ARHGEF12: variants seen among roughly 807,000 people sequenced by gnomAD.
ARHGEF12 encodes Rho guanine nucleotide exchange factor 12.
Under a neutral mutation model 211.2 loss-of-function variants are expected in ARHGEF12, and 66 were observed. The observed-to-expected ratio is 0.31, with a 90% CI of 0.26 to 0.38. The LOEUF (loss-of-function observed/expected upper bound fraction) is 0.38. Ranked by LOEUF, ARHGEF12 falls within the 10% of genes least tolerant of loss-of-function variation. The pLI is 1.00. For synonymous variants in ARHGEF12, 592 were observed against 638.4 expected (o/e 0.93, Z 1.09); for missense variants, 1,429 against 1,869.5 (o/e 0.76, Z 4.34).
At chr11:120,357,839 G>C (rs1395529109) in intron 1 of ARHGEF12, among the ~76,000 whole-genome samples, 1 of 152,156 alleles carries the variant, frequency 6.6e-6, no homozygotes, top group Non-Finnish European at 1.5e-5. Context: ...CAAAGTGCTG[G>C]GATTACAGGC....
intron 1 of ARHGEF12, among the ~76,000 whole-genome samples, chr11:120,366,426 GGGGTTACAGGC>G (rs1216104500): frequency 6.6e-6 from 1 of 151,982 alleles, no homozygotes; most frequent in Non-Finnish European, 1.5e-5. Context: ...CCAAAGTGCT[GGGGTTACAGGC>G]GTGAGCCACC....
chr11:120,366,653 T>C (rs1031358497), intron 1 of ARHGEF12, among the ~76,000 whole-genome samples: 3 of 152,166 alleles, frequency 2.0e-5, no homozygotes, highest in African/African-American at 7.2e-5. Context: ...TGACTCAGAT[T>C]TCTTAATTTG....
chr11:120,431,904 A>G lies in ARHGEF12; in HGVS notation c.917A>G (p.Asn306Ser), dbSNP rs1330014338. The G allele has an allele frequency of 2.5e-6, 4 of 1,592,084 alleles. No homozygotes were observed. Among genetic ancestry groups the G allele is most frequent in the Non-Finnish European group, 2.6e-6 (3 of 1,171,964 alleles). ...SGDASRPSSD[N>S]ADSPKSGPKE... ...GATGCTTCTCGGCCCAGTAGTGACA[A>G]TGCAGATGTAAGCTTTCAGTTTTCT... The change falls in exon 11 of 41, where the codon AAT (asparagine) becomes AGT (serine). Residue 306 changes from asparagine to serine, a missense_variant. This residue lies in a region of ARHGEF12 where 254 missense variants were observed against 286.4 expected (regional missense o/e 0.89). Transcript: ENST00000397843.
intron 1 of ARHGEF12, chr11:120,337,742 C>T: frequency 1.0e-6 from 1 of 985,422 alleles, no homozygotes; most frequent in Non-Finnish European, 1.2e-6. Context: ...GATCTGGGAA[C>T]TTGATCTCTT....
At chr11:120,453,103 A>G (rs537417864) in intron 22 of ARHGEF12, among the ~76,000 whole-genome samples, 1 of 152,126 alleles carries the variant, frequency 6.6e-6, no homozygotes, top group Non-Finnish European at 1.5e-5. Flanking sequence ...GACATACACC[A>G]TATAAGACAG....
Position 120,459,237 on chromosome 11 carries a change from A to G in ARHGEF12, c.2444A>G (p.Gln815Arg). 1 of 1,613,790 alleles carries G rather than the reference A, an allele frequency of 6.2e-7. No homozygotes were observed. The highest frequency in any genetic ancestry group is 8.5e-7 in the Non-Finnish European group (1 of 1,179,842). The change falls in exon 26 of 41, where the codon CAG (glutamine) becomes CGG (arginine). Residue 815 changes from glutamine to arginine, a missense_variant. Gln to Arg is a conservative substitution (Grantham distance 43, BLOSUM62 1). Coordinates refer to ENST00000397843, the MANE Select transcript of ARHGEF12 (RefSeq NM_015313.3). ...TLKVLDQVFYQRVSREGILSP... is the reference protein window; with the variant it reads ...TLKVLDQVFYRRVSREGILSP... Reference sequence around the variant, plus strand: ...AAGGTTCTTGATCAAGTGTTCTATCAGCGAGTATCCAGAGAAGGAATTCTG... The same window carrying G: ...AAGGTTCTTGATCAAGTGTTCTATCGGCGAGTATCCAGAGAAGGAATTCTG...
At position 120,486,279 on chromosome 11, in the gene ARHGEF12, G is replaced by A; in HGVS notation, c.*1202G>A. On this transcript the variant is annotated 3_prime_UTR_variant, in exon 41 of 41. Transcript: ENST00000397843. ...TGAGTCAAAAGGATAGCCAAGGGTGGAGTGGAAAAAGATATGGTGAAGGCA... is the reference window on the plus strand; with the variant it reads ...TGAGTCAAAAGGATAGCCAAGGGTGAAGTGGAAAAAGATATGGTGAAGGCA... 1 of 233,370 alleles carries A rather than the reference G, an allele frequency of 4.3e-6. No homozygotes were observed. The highest frequency in any genetic ancestry group is 8.5e-6 in the Non-Finnish European group (1 of 117,836). 14.5% of individuals were successfully genotyped at this position (233,370 alleles called of 1,614,324 possible).
intron 1 of ARHGEF12, chr11:120,385,204 A>G (rs1203808394): frequency 1.7e-6 from 1 of 599,042 alleles, no homozygotes; most frequent in Admixed American, 6.3e-5. Flanking sequence ...ATGTATATGG[A>G]TGCTGTTCTC....
intron 1 of ARHGEF12, among the ~76,000 whole-genome samples, chr11:120,349,331 G>A (rs1463647535): frequency 6.6e-6 from 1 of 152,072 alleles, no homozygotes; most frequent in Non-Finnish European, 1.5e-5. Flanking sequence ...ATATGTAATA[G>A]TAATTATATT....
intron 1 of ARHGEF12, among the ~76,000 whole-genome samples, chr11:120,341,347 C>T (rs1182376959): frequency 2.0e-5 from 3 of 152,164 alleles, no homozygotes; most frequent in South Asian, 2.1e-4. Context: ...CTTGAGCCAC[C>T]GAGCCCAGTG....
At chr11:120,431,593 A>T (rs1945535740) in intron 10 of ARHGEF12, among the ~76,000 whole-genome samples, 178 bp from the exon 11 acceptor site, 1 of 152,344 alleles carries the variant, frequency 6.6e-6, no homozygotes, top group East Asian at 1.9e-4. Context: ...GAATACCGGA[A>T]TTAGTAGTTA....
chr11:120,462,551 A>G (rs1342903583), intron 27 of ARHGEF12: 1 of 152,204 alleles, frequency 6.6e-6, no homozygotes, highest in Admixed American at 6.5e-5. Flanking sequence ...TTCAATTTGT[A>G]AAAAATGGAG....
chr11:120,371,566 TTA>T (rs1943589864), intron 1 of ARHGEF12, among the ~76,000 whole-genome samples: 1 of 152,208 alleles, frequency 6.6e-6, no homozygotes, highest in Non-Finnish European at 1.5e-5. Context: ...ATTATAACCC[TTA>T]TACCCCACTT....
At chr11:120,417,858 T>C (rs919374647) in intron 4 of ARHGEF12, among the ~76,000 whole-genome samples, 1 of 152,176 alleles carries the variant, frequency 6.6e-6, no homozygotes, top group Non-Finnish European at 1.5e-5. Flanking sequence ...TTAAACTTGA[T>C]TTATATATTC....
intron 1 of ARHGEF12, among the ~76,000 whole-genome samples, chr11:120,373,693 T>C (rs947333286): frequency 5.9e-5 from 9 of 152,202 alleles, no homozygotes; most frequent in Non-Finnish European, 1.2e-4. Context: ...TATGTTTTTT[T>C]CCCCCTTCTA....
intron 10 of ARHGEF12, 102 bp from the exon 11 acceptor site, chr11:120,431,669 G>T: frequency 7.9e-7 from 1 of 1,259,534 alleles, no homozygotes; most frequent in South Asian, 2.5e-5. Context: ...ACTTTTAGTA[G>T]TCTCCATGTA....
At position 120,481,382 on chromosome 11, in the gene ARHGEF12, C is replaced by G. The variant is rs1486049750; in HGVS notation, c.4360C>G (p.Gln1454Glu). The G allele has an allele frequency of 6.2e-7, 1 of 1,614,180 alleles. No individual in the cohort carries two copies. Among genetic ancestry groups the G allele is most frequent in the Non-Finnish European group, 8.5e-7 (1 of 1,180,040 alleles). Reference protein sequence around the residue: ...GIPAVESTHQQQHSPQNTHSD... With the variant: ...GIPAVESTHQEQHSPQNTHSD... ...CCCTGCTGTGGAATCCACCCACCAGCAGCAACATTCTCCTCAGAATACTCA... is the reference window on the plus strand; with the variant it reads ...CCCTGCTGTGGAATCCACCCACCAGGAGCAACATTCTCCTCAGAATACTCA... Residue 1454 changes from glutamine (Q) to glutamate (E), a missense_variant, in exon 39 of 41, where the codon CAG becomes GAG. Physicochemically the swap from Gln to Glu is conservative, Grantham distance 29 (BLOSUM62 2). Transcript: ENST00000397843.
intron 21 of ARHGEF12, 92 bp from the exon 22 acceptor site, chr11:120,451,420 G>T: frequency 1.7e-6 from 2 of 1,161,326 alleles, no homozygotes. Flanking sequence ...CTCATGATTC[G>T]CCCACCTTGG....
In ARHGEF12 at chr11:120,469,397, G is replaced by A; in HGVS notation, c.2955+9G>A. ...AGGCAGAAAACAAGCAGGTAAAAAA[G>A]GAAAACAAGAAGGTACAGGATGACA... is the stretch of plus-strand genomic sequence containing the variant. On this transcript the variant is annotated intron_variant, in intron 30 of 40. Coordinates refer to ENST00000397843, the MANE Select transcript of ARHGEF12 (RefSeq NM_015313.3). 4 of 1,594,862 alleles carry A rather than the reference G, an allele frequency of 2.5e-6. No individual in the cohort carries two copies. The highest frequency in any genetic ancestry group is 3.4e-6 in the Non-Finnish European group (4 of 1,166,014).
Sources: allele counts gnomAD v4.1 joint callset (sites outside exome capture counted in the v4.1 genomes callset), GRCh38; gene constraint gnomAD v4.1.1; regional missense constraint gnomAD v4.1.1; transcripts MANE v1.5; gene names NCBI Gene and HGNC (gene_info 2026-07-23, HGNC 2026-07-21).